Variants in FAM186B observed in about 807,000 individuals in gnomAD.
The protein encoded by FAM186B is protein FAM186B.
In FAM186B, 68 loss-of-function variants were observed where a neutral mutation model predicts 83.4. The observed-to-expected ratio is 0.81, with a 90% CI of 0.67 to 1.00. The LOEUF (loss-of-function observed/expected upper bound fraction) is 1.00, where lower values mean the gene tolerates loss of function less well. FAM186B is among the 50% of genes least tolerant of loss of function. FAM186B has a pLI of 0.00. For missense variants in FAM186B, 983 were observed against 1,099.2 expected (o/e 0.89, Z 1.49); for synonymous variants, 389 against 422.0 (o/e 0.92, Z 0.96).
In FAM186B at chr12:49,600,504, A is replaced by G. The variant is rs1222168810; in HGVS notation, c.1136T>C (p.Ile379Thr). ...SPLPPSPMAM[I>T]RDSGAIAAGH... ...TGCAGCTATAGCACCACTGTCCCGT[A>G]TCATGGCCATGGGACTTGGGGGAAG... Residue 379 changes from isoleucine to threonine, a missense_variant, in exon 4 of 7, where the codon ATA becomes ACA. Ile to Thr is a moderately conservative substitution (Grantham distance 89, BLOSUM62 -1). Coordinates refer to ENST00000257894, the MANE Select transcript of FAM186B (RefSeq NM_032130.3). The surrounding 1 kb of genome is among the most constrained non-coding windows in gnomAD (Gnocchi z 4.3). 4.3e-6 allele frequency: 7 copies of G among 1,614,010 alleles called. No individual in the cohort carries two copies. Among genetic ancestry groups the G allele is most frequent in the Non-Finnish European group, 5.1e-6 (6 of 1,179,956 alleles).
chr12:49,599,937 T>C lies in FAM186B; in HGVS notation c.1703A>G (p.Asp568Gly). The C allele has an allele frequency of 6.2e-7, 1 of 1,613,866 alleles. No individual in the cohort carries two copies. The highest frequency in any genetic ancestry group is 1.3e-5 in the African/African-American group (1 of 75,014). Reference sequence around the variant, plus strand: ...TAATGATAGCTCTGCCTTCTCCAAGTCCCTCCATCGACTGGTGGGTGTGAA... The same window carrying C: ...TAATGATAGCTCTGCCTTCTCCAAGCCCCTCCATCGACTGGTGGGTGTGAA... ...RIFTPTSRWRDLEKAELSLVP... is the reference protein window; with the variant it reads ...RIFTPTSRWRGLEKAELSLVP... Residue 568 changes from aspartate to glycine, a missense_variant, in exon 4 of 7, where the codon GAC becomes GGC. Coordinates refer to ENST00000257894, the MANE Select transcript of FAM186B (RefSeq NM_032130.3).
At chr12:49,605,703 C>T (rs1352320112), upstream of FAM186B, 3 of 434,970 alleles carry the variant, frequency 6.9e-6, no homozygotes, top group African/African-American at 2.1e-5. Flanking sequence ...AGACTCCCCA[C>T]TATCTAGCTT....
intron 5 of FAM186B, among the ~76,000 whole-genome samples, chr12:49,597,919 G>A (rs544615834): frequency 3.3e-5 from 5 of 152,226 alleles, no homozygotes; most frequent in African/African-American, 1.2e-4. Flanking sequence ...AATTATCCAG[G>A]TGTGGTGGTG....
chr12:49,593,841 A>C (rs1939647100), intron 5 of FAM186B, among the ~76,000 whole-genome samples: 1 of 152,176 alleles, frequency 6.6e-6, no homozygotes, highest in Non-Finnish European at 1.5e-5. Flanking sequence ...AATTTTCAAG[A>C]GTACATAAGC....
the FAM186B span, among the ~76,000 whole-genome samples, chr12:49,616,085 A>C: frequency 6.6e-6 from 1 of 150,804 alleles, no homozygotes; most frequent in African/African-American, 2.4e-5. Context: ...CCTGGAGTGC[A>C]GTGGTGCAAT....
upstream of FAM186B, among the ~76,000 whole-genome samples, chr12:49,608,074 T>C (rs1940053041): frequency 6.6e-6 from 1 of 151,806 alleles, no homozygotes; most frequent in African/African-American, 2.4e-5. Flanking sequence ...CAGACTAATA[T>C]TGCTCACAAA....
rs755740837 is a variant in FAM186B, at chr12:49,598,925, G to A, written c.2194C>T (p.Gln732Ter). 1.2e-6 allele frequency: 2 copies of A among 1,613,838 alleles called. No homozygotes were observed. The highest frequency in any genetic ancestry group is 8.5e-7 in the Non-Finnish European group (1 of 1,179,964). Reference protein sequence around the residue: ...SLRQEAINHVQIMKETEASYK... With the variant: ...SLRQEAINHV Reference sequence around the variant, plus strand: ...GAAGCCTCCGTTTCTTTCATGATTTGTACATGGTTGATCGCTTCTTGCCTG... The same window carrying A: ...GAAGCCTCCGTTTCTTTCATGATTTATACATGGTTGATCGCTTCTTGCCTG... The change falls in exon 5 of 7, where the codon CAA (glutamine) becomes TAA (stop). Residue 732 changes from glutamine to a stop codon, truncating the protein, a stop_gained. Coordinates refer to ENST00000257894, the MANE Select transcript of FAM186B (RefSeq NM_032130.3). LOFTEE classifies it high-confidence loss of function.
Position 49,588,559 on chromosome 12 carries a change from C to G in FAM186B, c.2429G>C (p.Cys810Ser), listed in dbSNP as rs76361899. 7 of 1,612,212 alleles carry G rather than the reference C, an allele frequency of 4.3e-6. No homozygotes were observed. The highest frequency in any genetic ancestry group is 5.9e-6 in the Non-Finnish European group (7 of 1,178,970). Residue 810 changes from cysteine (C) to serine (S), a missense_variant, in exon 6 of 7, where the codon TGC becomes TCC. By Grantham distance (112) the Cys-to-Ser change is moderately radical (BLOSUM62 -1). Transcript: ENST00000257894. ...CCGGGGTGAGGCTGCAGGCAACTTG[C>G]ATTTCTTTGGCTTTGGCGAGGTGAC... The part of the protein sequence containing the change: ...PEVTSPKPKK[C>S]KLPAASPRHI...
upstream of FAM186B, among the ~76,000 whole-genome samples, chr12:49,609,143 G>A (rs1940060995): frequency 1.3e-5 from 2 of 152,198 alleles, no homozygotes; most frequent in Non-Finnish European, 1.5e-5. Context: ...GGGTGGGAAA[G>A]GGACTGCTAC....
intron 4 of FAM186B, 71 bp from the exon 5 acceptor site, chr12:49,599,018 A>G: frequency 6.7e-7 from 1 of 1,489,072 alleles, no homozygotes; most frequent in Admixed American, 2.0e-5. Flanking sequence ...TTAACCAGAG[A>G]TGACTTTGTT....
At chr12:49,599,239 G>A (rs1261215604) in intron 4 of FAM186B, among the ~76,000 whole-genome samples, 1 of 152,042 alleles carries the variant, frequency 6.6e-6, no homozygotes, top group East Asian at 1.9e-4. Context: ...TAGAGGAAAA[G>A]CCCACTACAG....
In FAM186B at chr12:49,600,502, G is replaced by A. The variant is rs766868400; in HGVS notation, c.1138C>T (p.Arg380Trp). 11 of 1,613,924 alleles carry A rather than the reference G, an allele frequency of 6.8e-6. No individual in the cohort carries two copies. The highest frequency in any genetic ancestry group is 2.2e-5 in the East Asian group (1 of 44,882). Residue 380 changes from arginine to tryptophan, a missense_variant, in exon 4 of 7, where the codon CGG becomes TGG. Coordinates refer to ENST00000257894, the MANE Select transcript of FAM186B (RefSeq NM_032130.3). This position sits in a 1 kb window ranked among gnomAD's most constrained non-coding sequence, Gnocchi z 4.3. ...CCTGCAGCTATAGCACCACTGTCCC[G>A]TATCATGGCCATGGGACTTGGGGGA... ...PLPPSPMAMI[R>W]DSGAIAAGHQ...
At chr12:49,601,791 C>G (rs1250743126) in intron 3 of FAM186B, among the ~76,000 whole-genome samples, 1 of 151,942 alleles carries the variant, frequency 6.6e-6, no homozygotes, top group Non-Finnish European at 1.5e-5. Flanking sequence ...ATTGTACCCC[C>G]TTGGACCTAC....
chr12:49,620,923 T>C, the FAM186B span, among the ~76,000 whole-genome samples: 1 of 152,226 alleles, frequency 6.6e-6, no homozygotes, highest in Non-Finnish European at 1.5e-5. Context: ...CACATGCTTT[T>C]CTATACTACA....
At chr12:49,614,926 C>T in the FAM186B span, among the ~76,000 whole-genome samples, 1,433 of 151,880 alleles carry the variant, frequency 9.4e-3, 19 homozygotes, top group African/African-American at 0.032. Flanking sequence ...GTCTGGAGAT[C>T]GAGACCATCC....
upstream of FAM186B, among the ~76,000 whole-genome samples, chr12:49,607,989 C>T (rs1332177963): frequency 6.6e-6 from 1 of 151,478 alleles, no homozygotes; most frequent in Non-Finnish European, 1.5e-5. Context: ...CATCAGCCAC[C>T]GCACCCAGCT....
At chr12:49,607,189 TAAG>T (rs1329636032), upstream of FAM186B, among the ~76,000 whole-genome samples, 1 of 151,522 alleles carries the variant, frequency 6.6e-6, no homozygotes, top group Non-Finnish European at 1.5e-5. Flanking sequence ...AAGGAAATAA[TAAG>T]AATAAGAATA....
chr12:49,590,523 C>T (rs1416280693), intron 5 of FAM186B, among the ~76,000 whole-genome samples: 1 of 151,482 alleles, frequency 6.6e-6, no homozygotes, highest in Non-Finnish European at 1.5e-5. Flanking sequence ...TTGGGTTGTA[C>T]TTGATGTATG....
At chr12:49,610,029 C>T (rs999440687), upstream of FAM186B, among the ~76,000 whole-genome samples, 1 of 151,834 alleles carries the variant, frequency 6.6e-6, no homozygotes, top group African/African-American at 2.4e-5. Flanking sequence ...CCACACAACC[C>T]AATATAAAAT....
Sources: gnomAD v4.1 joint callset for allele counts (sites outside exome capture counted in the v4.1 genomes callset) on GRCh38, gnomAD v4.1.1 for gene constraint, Gnocchi (gnomAD v3.1) non-coding constraint, MANE v1.5 for transcripts, NCBI Gene and HGNC (gene_info 2026-07-23, HGNC 2026-07-21) for gene names.